The following FANCB variants were observed in gnomAD, a reference collection of about 807,000 sequenced individuals.
FANCB encodes Fanconi anemia group B protein.
A neutral mutation model predicts 38.9 loss-of-function variants in FANCB; 5 were observed. The ratio of observed to expected loss-of-function variants is 0.13; its 90% CI spans 0.07 to 0.27. The LOEUF (loss-of-function observed/expected upper bound fraction) is 0.27. FANCB is among the 10% of genes least tolerant of loss of function. The pLI, the probability that FANCB is intolerant of heterozygous loss-of-function variation, is 1.00. For synonymous variants in FANCB, 236 were observed against 215.4 expected, an observed-to-expected ratio of 1.10 and a Z score of -0.84; for missense variants, 573 against 602.7, an observed-to-expected ratio of 0.95 and a Z score of 0.52.
At chrX:14,831,807 G>A (rs1391161320), downstream of FANCB, among the ~76,000 whole-genome samples, 1 of 111,890 alleles carries the variant, frequency 8.9e-6, no homozygotes, top group Non-Finnish European at 1.9e-5. Context: ...GAACAAAACC[G>A]GAAGGAAGCA....
chrX:14,762,990 G>C, the FANCB span, among the ~76,000 whole-genome samples: 3 of 111,894 alleles, frequency 2.7e-5, no homozygotes, highest in African/African-American at 9.8e-5. Flanking sequence ...ATCTAGTACT[G>C]ACCTACCTTT....
the FANCB span, chrX:14,730,401 C>A: frequency 5.0e-6 from 6 of 1,204,541 alleles, no homozygotes; most frequent in Admixed American, 1.1e-4. Flanking sequence ...CTCGAGCTGC[C>A]TTCCCATTGG....
chrX:14,695,016 G>A, the FANCB span, among the ~76,000 whole-genome samples: 10 of 111,947 alleles, frequency 8.9e-5, no homozygotes, highest in Non-Finnish European at 7.5e-5. Context: ...GAGACATCTC[G>A]ATAGAGTTGG....
intron 7 of FANCB, among the ~76,000 whole-genome samples, chrX:14,846,623 A>G (rs755303483): frequency 4.5e-5 from 5 of 111,729 alleles, no homozygotes; most frequent in Non-Finnish European, 9.4e-5. Context: ...CATACCTCCC[A>G]GTGGAAGAAA....
At chrX:14,707,757 GGT>G in the FANCB span, among the ~76,000 whole-genome samples, 2,038 of 106,184 alleles carry the variant, frequency 0.019, 44 homozygotes, top group African/African-American at 0.059. Flanking sequence ...CAGCAAAAAA[GGT>G]GTGTGTGTGT....
chrX:14,830,125 G>A, the FANCB span, among the ~76,000 whole-genome samples: 99 of 111,679 alleles, frequency 8.9e-4, no homozygotes, highest in African/African-American at 3.0e-3. Flanking sequence ...GGTAACGGCC[G>A]GTAGGTAGAG....
chrX:14,798,441 C>T, the FANCB span, among the ~76,000 whole-genome samples: 1 of 111,948 alleles, frequency 8.9e-6, no homozygotes, highest in Admixed American at 9.5e-5. Flanking sequence ...GGATTACAGG[C>T]GTGAGCCACC....
At chrX:14,828,852 C>T in the FANCB span, among the ~76,000 whole-genome samples, 5 of 111,329 alleles carry the variant, frequency 4.5e-5, no homozygotes, top group Admixed American at 9.6e-5. Flanking sequence ...GCTGGGACCA[C>T]AGATGTGCAC....
the FANCB span, among the ~76,000 whole-genome samples, chrX:14,742,443 T>C: frequency 1.8e-5 from 2 of 111,872 alleles, no homozygotes; most frequent in Non-Finnish European, 3.8e-5. Context: ...GTTTGCTGAG[T>C]GTCCTTGAGC....
intron 7 of FANCB, among the ~76,000 whole-genome samples, chrX:14,849,007 G>C (rs771107304): frequency 9.0e-6 from 1 of 111,141 alleles, no homozygotes; most frequent in Non-Finnish European, 1.9e-5. Flanking sequence ...TGCATTGCGG[G>C]CTGCTGGCCA....
At chrX:14,862,407 A>T (rs980827972) in intron 3 of FANCB, 2 of 111,351 alleles carry the variant, frequency 1.8e-5, no homozygotes, top group African/African-American at 6.5e-5. Context: ...GAGAGAGTGC[A>T]CTAGAATACA....
the FANCB span, among the ~76,000 whole-genome samples, chrX:14,735,398 T>G: frequency 8.9e-6 from 1 of 111,826 alleles, no homozygotes; most frequent in Non-Finnish European, 1.9e-5. Flanking sequence ...GATGTTGGTG[T>G]CCTTCGGATG....
intron 6 of FANCB, 59 bp downstream of exon 6, chrX:14,852,980 C>A (rs1601989458): frequency 2.8e-6 from 3 of 1,069,971 alleles, no homozygotes; most frequent in Non-Finnish European, 3.9e-6. Context: ...AATAACTTTT[C>A]AATAGCTTAT....
the FANCB span, among the ~76,000 whole-genome samples, chrX:14,817,055 C>T: frequency 1.8e-5 from 2 of 111,801 alleles, no homozygotes; most frequent in African/African-American, 3.3e-5. Flanking sequence ...CTGAACTTTC[C>T]GTTCTCTTCT....
the FANCB span, among the ~76,000 whole-genome samples, chrX:14,694,664 A>T: frequency 8.9e-6 from 1 of 112,239 alleles, no homozygotes; most frequent in African/African-American, 3.2e-5. Flanking sequence ...GGTTAGGTTC[A>T]GGATTCTTTC....
At chrX:14,744,197 G>GA in the FANCB span, among the ~76,000 whole-genome samples, 7 of 111,016 alleles carry the variant, frequency 6.3e-5, no homozygotes, top group African/African-American at 1.3e-4. Flanking sequence ...AATTCCCTGG[G>GA]AAAAAAACAT....
At chrX:14,815,756 A>G in the FANCB span, among the ~76,000 whole-genome samples, 7 of 112,478 alleles carry the variant, frequency 6.2e-5, no homozygotes, top group Non-Finnish European at 1.3e-4. Flanking sequence ...AAAGATATGG[A>G]ATCAACCTGT....
At chrX:14,725,816 C>A in the FANCB span, among the ~76,000 whole-genome samples, 2 of 112,005 alleles carry the variant, frequency 1.8e-5, no homozygotes, top group Non-Finnish European at 3.8e-5. Context: ...AAATTTCAAG[C>A]AAATTGCACA....
At chrX:14,793,141 C>T in the FANCB span, among the ~76,000 whole-genome samples, 7 of 111,928 alleles carry the variant, frequency 6.3e-5, no homozygotes, top group Admixed American at 4.8e-4. Flanking sequence ...ATGTATGTTT[C>T]TTAACATGTA....
Sources: gnomAD v4.1 joint callset for allele counts (sites outside exome capture counted in the v4.1 genomes callset) on GRCh38, gnomAD v4.1.1 for gene constraint, MANE v1.5 for transcripts, NCBI Gene and HGNC (gene_info 2026-07-23, HGNC 2026-07-21) for gene names.